The following TAFA1 variants were observed in gnomAD, a reference collection of about 807,000 sequenced individuals.
TAFA1 encodes chemokine-like protein TAFA-1.
Under a neutral mutation model 18.5 loss-of-function variants are expected in TAFA1, and 4 were observed. That is an observed-to-expected ratio of 0.22 (90% CI 0.11 to 0.49). The LOEUF is 0.49. Among genes scored for constraint, TAFA1 ranks in the 20% least tolerant of loss-of-function variants. The pLI, the probability that TAFA1 is intolerant of heterozygous loss-of-function variation, is 0.98. For missense variants in TAFA1, 147 were observed against 169.0 expected (o/e 0.87, Z 0.72); for synonymous variants, 56 against 55.2 (o/e 1.01, Z -0.06).
intron 2 of TAFA1, among the ~76,000 whole-genome samples, chr3:68,124,204 A>G (rs989231668): frequency 1.3e-5 from 2 of 152,206 alleles, no homozygotes; most frequent in Admixed American, 6.5e-5. Context: ...TTGTCACTCG[A>G]TGGTAACAGG....
chr3:67,991,893 A>G, the TAFA1 span, among the ~76,000 whole-genome samples: 38 of 152,170 alleles, frequency 2.5e-4, no homozygotes, highest in Non-Finnish European at 7.3e-5. Context: ...ATATCTATAA[A>G]CTGTCAATAT....
intron 3 of TAFA1, among the ~76,000 whole-genome samples, chr3:68,439,213 A>G (rs13072630): frequency 0.4 from 60,517 of 150,804 alleles, 12,609 homozygotes; most frequent in Non-Finnish European, 0.43. Flanking sequence ...CTTTTTATTT[A>G]TAAATTCTGT....
At chr3:68,116,664 T>G (rs1292345499) in intron 2 of TAFA1, among the ~76,000 whole-genome samples, 1 of 152,232 alleles carries the variant, frequency 6.6e-6, no homozygotes, top group East Asian at 1.9e-4. Context: ...TGATACTATT[T>G]TGTTTACCTA....
At chr3:68,271,790 C>T (rs9865564) in intron 2 of TAFA1, among the ~76,000 whole-genome samples, 1 of 151,710 alleles carries the variant, frequency 6.6e-6, no homozygotes, top group Non-Finnish European at 1.5e-5. Context: ...ATTTTTCTCT[C>T]CCTGTCTCTT....
At chr3:68,049,262 T>C (rs538028811) in intron 2 of TAFA1, among the ~76,000 whole-genome samples, 1 of 152,278 alleles carries the variant, frequency 6.6e-6, no homozygotes, top group South Asian at 2.1e-4. Flanking sequence ...GCCTACGGTG[T>C]CTAGAGTGTC....
chr3:68,207,226 A>C (rs1237519942), intron 2 of TAFA1, among the ~76,000 whole-genome samples: 4 of 151,886 alleles, frequency 2.6e-5, no homozygotes, highest in African/African-American at 9.7e-5. Context: ...ACCAAGACCC[A>C]TAAAGTTACT....
intron 3 of TAFA1, among the ~76,000 whole-genome samples, chr3:68,537,995 G>T (rs2073303040): frequency 6.6e-6 from 1 of 152,108 alleles, no homozygotes; most frequent in South Asian, 2.1e-4. Context: ...AGGGTAGTTT[G>T]GTGGGCAGGG....
chr3:68,283,288 G>C (rs760068946), intron 2 of TAFA1, among the ~76,000 whole-genome samples: 2 of 152,116 alleles, frequency 1.3e-5, no homozygotes, highest in Admixed American at 1.3e-4. Flanking sequence ...TATGACTGGA[G>C]ATTCAGTCTT....
At chr3:68,425,354 T>A (rs2071032448) in intron 3 of TAFA1, among the ~76,000 whole-genome samples, 1 of 151,966 alleles carries the variant, frequency 6.6e-6, no homozygotes, top group Non-Finnish European at 1.5e-5. Context: ...TTTGTTCTTT[T>A]TAAACACACC....
intron 2 of TAFA1, among the ~76,000 whole-genome samples, chr3:68,135,205 G>C (rs900057957): frequency 4.6e-5 from 7 of 152,162 alleles, no homozygotes; most frequent in African/African-American, 1.7e-4. Flanking sequence ...CAGAGAGCCT[G>C]GAAAATGCAG....
chr3:68,481,602 T>C (rs1006014156), intron 3 of TAFA1, among the ~76,000 whole-genome samples: 7 of 152,200 alleles, frequency 4.6e-5, no homozygotes, highest in African/African-American at 7.2e-5. Flanking sequence ...TTACTGAAAC[T>C]CTTTCTTTAT....
chr3:68,110,701 A>T (rs531628574), intron 2 of TAFA1, among the ~76,000 whole-genome samples: 18 of 152,314 alleles, frequency 1.2e-4, no homozygotes, highest in African/African-American at 4.3e-4. Flanking sequence ...TAGGACCAGG[A>T]GGACTTGGTG....
At chr3:68,308,922 T>C (rs1295620950) in intron 2 of TAFA1, among the ~76,000 whole-genome samples, 2 of 152,162 alleles carry the variant, frequency 1.3e-5, no homozygotes, top group Non-Finnish European at 2.9e-5. Context: ...TCTTCCTTCC[T>C]ACTGCTCCAA....
intron 2 of TAFA1, among the ~76,000 whole-genome samples, chr3:68,315,119 G>A (rs1336772173): frequency 6.6e-6 from 1 of 151,982 alleles, no homozygotes; most frequent in Non-Finnish European, 1.5e-5. Flanking sequence ...TTCTAAGAAA[G>A]GTTAGCTCTT....
chr3:68,012,328 T>C (rs1353978087), intron 2 of TAFA1, among the ~76,000 whole-genome samples: 1 of 152,104 alleles, frequency 6.6e-6, no homozygotes, highest in Non-Finnish European at 1.5e-5. Flanking sequence ...TGGCAAAAAA[T>C]TGAAGAGGAG....
chr3:68,195,514 G>A (rs111360887), intron 2 of TAFA1, among the ~76,000 whole-genome samples: 171 of 151,282 alleles, frequency 1.1e-3, no homozygotes, highest in African/African-American at 3.7e-3. Context: ...CTGCCCCACC[G>A]AAAGGACATT....
At chr3:68,087,873 A>G (rs1424051628) in intron 2 of TAFA1, among the ~76,000 whole-genome samples, 3 of 152,020 alleles carry the variant, frequency 2.0e-5, no homozygotes, top group Admixed American at 2.0e-4. Flanking sequence ...ATTTTTTTCT[A>G]CTATAGGCAT....
intron 2 of TAFA1, among the ~76,000 whole-genome samples, chr3:68,180,823 C>A (rs745492713): frequency 6.6e-6 from 1 of 152,122 alleles, no homozygotes; most frequent in African/African-American, 2.4e-5. Context: ...CCTTCTGTAT[C>A]CCCTCTCTCT....
At chr3:68,382,523 T>A (rs1261491002) in intron 2 of TAFA1, among the ~76,000 whole-genome samples, 1 of 152,018 alleles carries the variant, frequency 6.6e-6, no homozygotes, top group Non-Finnish European at 1.5e-5. Flanking sequence ...AAGATGAGAT[T>A]ATTATCGTTA....
Sources: gnomAD v4.1 joint callset for allele counts (sites outside exome capture counted in the v4.1 genomes callset) on GRCh38, gnomAD v4.1.1 for gene constraint, MANE v1.5 for transcripts, NCBI Gene and HGNC (gene_info 2026-07-23, HGNC 2026-07-21) for gene names.